Variants in TBC1D19 observed in about 807,000 individuals in gnomAD.
The protein encoded by TBC1D19 is TBC1 domain family, member 19.
A neutral mutation model predicts 89.0 loss-of-function variants in TBC1D19; 60 were observed. The observed-to-expected ratio is 0.67, with a 90% CI of 0.55 to 0.84. The LOEUF (loss-of-function observed/expected upper bound fraction) is 0.84. Ranked by LOEUF, TBC1D19 falls within the 40% of genes least tolerant of loss-of-function variation. The pLI is 0.00. For missense variants in TBC1D19, 500 were observed against 610.8 expected, an observed-to-expected ratio of 0.82 and a Z score of 1.91; for synonymous variants, 189 against 199.7, an observed-to-expected ratio of 0.95 and a Z score of 0.45.
At chr4:26,773,935 A>C in the TBC1D19 span, among the ~76,000 whole-genome samples, 1 of 152,210 alleles carries the variant, frequency 6.6e-6, no homozygotes, top group Non-Finnish European at 1.5e-5. Context: ...AGCCTTGCAC[A>C]GGGGCTTTCT....
At chr4:26,607,289 G>GC (rs1485229227) in intron 1 of TBC1D19, among the ~76,000 whole-genome samples, 3 of 152,082 alleles carry the variant, frequency 2.0e-5, no homozygotes, top group African/African-American at 7.2e-5. Context: ...GCTACTTCTA[G>GC]CCCCCCTCAC....
At chr4:26,740,501 G>A (rs1191658759) in intron 17 of TBC1D19, among the ~76,000 whole-genome samples, 7 of 152,130 alleles carry the variant, frequency 4.6e-5, no homozygotes, top group Non-Finnish European at 8.8e-5. Context: ...AGTTATAATA[G>A]TACATATTTT....
At chr4:26,684,025 C>G (rs565752098) in intron 12 of TBC1D19, among the ~76,000 whole-genome samples, 1 of 152,228 alleles carries the variant, frequency 6.6e-6, no homozygotes, top group South Asian at 2.1e-4. Flanking sequence ...TAAATTCAAG[C>G]TTTCTACACA....
chr4:26,839,572 A>AC, the TBC1D19 span, among the ~76,000 whole-genome samples: 66,142 of 149,012 alleles, frequency 0.44, 15,139 homozygotes, highest in Middle Eastern at 0.66. Context: ...CTTTTCCATC[A>AC]CCCCCCCGCC....
chr4:26,783,960 G>T, the TBC1D19 span, among the ~76,000 whole-genome samples: 5 of 152,078 alleles, frequency 3.3e-5, no homozygotes, highest in Admixed American at 6.6e-5. Context: ...GCCTCTGGTG[G>T]TTGCCATCTC....
intron 15 of TBC1D19, among the ~76,000 whole-genome samples, chr4:26,733,730 A>C (rs1192215697): frequency 6.6e-6 from 1 of 152,232 alleles, no homozygotes; most frequent in Non-Finnish European, 1.5e-5. Context: ...ATAACAGAAT[A>C]GAATTCAGGA....
At position 26,740,363 on chromosome 4, in the gene TBC1D19, G is replaced by T. The variant is rs139591897; in HGVS notation, c.1227+390G>T. The stretch of plus-strand genomic sequence containing the variant: ...AAGCACTCAGTGTAGTTAGTGCTTG[G>T]CTCCTCGCAGGTGTTCAGTAAATAA... On this transcript the variant is annotated intron_variant, in intron 17 of 20. Coordinates refer to ENST00000264866, the MANE Select transcript of TBC1D19 (RefSeq NM_018317.4). 2.0e-3 allele frequency among the ~76,000 whole-genome samples: 299 copies of T among 152,188 alleles called. 4 individuals are homozygous for T. Among genetic ancestry groups the T allele is most frequent in the African/African-American group, 7.1e-3 (295 of 41,530 alleles).
chr4:26,793,340 G>T, the TBC1D19 span, among the ~76,000 whole-genome samples: 12 of 152,304 alleles, frequency 7.9e-5, no homozygotes, highest in East Asian at 2.1e-3. Flanking sequence ...CTGAACAAAA[G>T]TGGGAGTTTA....
At chr4:26,583,105 C>T (rs1739164194), upstream of TBC1D19, among the ~76,000 whole-genome samples, 7 of 152,052 alleles carry the variant, frequency 4.6e-5, no homozygotes. Context: ...TCTTAAAATC[C>T]TACTTCTGCT....
At chr4:26,818,441 A>C in the TBC1D19 span, among the ~76,000 whole-genome samples, 1 of 152,058 alleles carries the variant, frequency 6.6e-6, no homozygotes, top group Non-Finnish European at 1.5e-5. Context: ...GCCAGGGAGA[A>C]GGGAAGGTCT....
intron 7 of TBC1D19, among the ~76,000 whole-genome samples, chr4:26,657,161 G>A (rs1744909086): frequency 6.6e-6 from 1 of 151,320 alleles, no homozygotes; most frequent in East Asian, 1.9e-4. Context: ...AGGTATACAT[G>A]TGCCATGGTG....
At chr4:26,652,789 T>C (rs1744493107) in intron 7 of TBC1D19, among the ~76,000 whole-genome samples, 2 of 152,198 alleles carry the variant, frequency 1.3e-5, no homozygotes, top group Admixed American at 6.5e-5. Context: ...TAGCGGTCTA[T>C]CAATTTTGTT....
the TBC1D19 span, among the ~76,000 whole-genome samples, chr4:26,791,454 G>A: frequency 1.6e-4 from 25 of 152,088 alleles, no homozygotes; most frequent in Admixed American, 1.6e-3. Context: ...AAAGGGTTCC[G>A]AGCAGAGGCA....
At chr4:26,616,368 TAG>T (rs1020233271) in intron 3 of TBC1D19, among the ~76,000 whole-genome samples, 4 of 152,178 alleles carry the variant, frequency 2.6e-5, no homozygotes, top group African/African-American at 9.7e-5. Context: ...AGTTAAGCCT[TAG>T]AGAGAGTCCA....
At chr4:26,750,059 A>G (rs1040042472) in intron 19 of TBC1D19, among the ~76,000 whole-genome samples, 6 of 152,204 alleles carry the variant, frequency 3.9e-5, no homozygotes, top group African/African-American at 1.2e-4. Flanking sequence ...GGGACACTTC[A>G]GTATTGGGCA....
At chr4:26,699,715 G>T (rs1715146419) in intron 13 of TBC1D19, among the ~76,000 whole-genome samples, 1 of 152,108 alleles carries the variant, frequency 6.6e-6, no homozygotes, top group African/African-American at 2.4e-5. Context: ...CCTTTGTAGA[G>T]ACATGAATGA....
At chr4:26,753,699 G>C in intron 19 of TBC1D19, 121 bp from the exon 20 acceptor site, 1 of 949,318 alleles carries the variant, frequency 1.1e-6, no homozygotes, top group South Asian at 1.6e-5. Flanking sequence ...CGGGGGTGTG[G>C]TCCGTTGTGT....
the TBC1D19 span, among the ~76,000 whole-genome samples, chr4:26,784,923 G>T: frequency 6.6e-6 from 1 of 152,200 alleles, no homozygotes; most frequent in Non-Finnish European, 1.5e-5. Flanking sequence ...TGTTGACCAT[G>T]AAAATAATGG....
the TBC1D19 span, among the ~76,000 whole-genome samples, chr4:26,814,249 G>A: frequency 6.6e-6 from 1 of 152,116 alleles, no homozygotes. Context: ...TTACTTTTCT[G>A]TTTTCCTATC....
Sources: gnomAD v4.1 joint callset for allele counts (sites outside exome capture counted in the v4.1 genomes callset) on GRCh38, gnomAD v4.1.1 for gene constraint, MANE v1.5 for transcripts, NCBI Gene and HGNC (gene_info 2026-07-23, HGNC 2026-07-21) for gene names.